MGRN1: variants seen among roughly 807,000 people sequenced by gnomAD.
The protein encoded by MGRN1 is E3 ubiquitin-protein ligase MGRN1.
MGRN1 carries 29 observed loss-of-function variants against 69.2 expected under a neutral mutation model. That is an observed-to-expected ratio of 0.42 (90% CI 0.31 to 0.57). The LOEUF is 0.57. MGRN1 is among the 20% of genes least tolerant of loss of function. The pLI, the probability that MGRN1 is intolerant of heterozygous loss-of-function variation, is 0.15. For missense variants in MGRN1, 998 were observed against 796.2 expected, an observed-to-expected ratio of 1.25 and a Z score of -3.05; for synonymous variants, 470 against 344.2, an observed-to-expected ratio of 1.37 and a Z score of -4.04.
At chr16:4,663,878 G>C (rs187971667) in intron 5 of MGRN1, among the ~76,000 whole-genome samples, 5 of 152,368 alleles carry the variant, frequency 3.3e-5, no homozygotes, top group Non-Finnish European at 7.3e-5. Context: ...CACAGCAGGG[G>C]GTGGGATGAA....
chr16:4,669,068 A>G (rs1319600381), intron 8 of MGRN1: 1 of 152,022 alleles, frequency 6.6e-6, no homozygotes, highest in Non-Finnish European at 1.5e-5. Context: ...TTATATATAG[A>G]CACACACACA....
At chr16:4,679,291 TC>T (rs1458807910) in intron 11 of MGRN1, among the ~76,000 whole-genome samples, 1 of 152,178 alleles carries the variant, frequency 6.6e-6, no homozygotes, top group African/African-American at 2.4e-5. Context: ...TGGCTGAGGA[TC>T]CAGTAGGTCC....
At chr16:4,657,492 C>T (rs2078573787) in intron 5 of MGRN1, 129 bp downstream of exon 5, 2 of 884,216 alleles carry the variant, frequency 2.3e-6, no homozygotes, top group South Asian at 1.5e-5. Context: ...GAACGGCCGC[C>T]CCAGTCTGTG....
chr16:4,671,912 T>G (rs1250788941), intron 9 of MGRN1, among the ~76,000 whole-genome samples: 1 of 152,202 alleles, frequency 6.6e-6, no homozygotes, highest in Non-Finnish European at 1.5e-5. Context: ...TAGTTTTTTT[T>G]GTTTTTGTTT....
chr16:4,628,098 G>C (rs1156300682), intron 1 of MGRN1, among the ~76,000 whole-genome samples: 1 of 124,842 alleles, frequency 8.0e-6, no homozygotes, highest in Non-Finnish European at 1.7e-5. Context: ...AAAAAAAAAA[G>C]AATTGTGGGT....
chr16:4,661,143 A>T (rs1567206147), intron 5 of MGRN1, among the ~76,000 whole-genome samples: 4 of 145,008 alleles, frequency 2.8e-5, no homozygotes, highest in African/African-American at 1.0e-4. Flanking sequence ...CTACTGGCTG[A>T]TTTTTTTTTT....
At position 4,688,982 on chromosome 16, in the gene MGRN1, G is replaced by C; in HGVS notation, c.*74G>C. Reference sequence around the variant, plus strand: ...CCGAGGGGCTGCTCCGGACCCCGTTGTGAGCCGGCCTCCTGTCTGCATGCC... The same window carrying C: ...CCGAGGGGCTGCTCCGGACCCCGTTCTGAGCCGGCCTCCTGTCTGCATGCC... On this transcript the variant is annotated 3_prime_UTR_variant, in exon 17 of 17. Coordinates refer to ENST00000262370, the MANE Select transcript of MGRN1 (RefSeq NM_015246.4). The C allele has an allele frequency of 6.8e-7, 1 of 1,462,766 alleles. No individual in the cohort carries two copies. Among genetic ancestry groups the C allele is most frequent in the Non-Finnish European group, 9.1e-7 (1 of 1,101,776 alleles). 90.6% of individuals were successfully genotyped at this position (1,462,766 alleles called of 1,614,324 possible).
At chr16:4,656,673 G>T (rs1481289497) in intron 4 of MGRN1, among the ~76,000 whole-genome samples, 1 of 152,154 alleles carries the variant, frequency 6.6e-6, no homozygotes, top group Non-Finnish European at 1.5e-5. Flanking sequence ...TTGAGGTCAG[G>T]AGTTCGAGAC....
At chr16:4,675,014 C>G (rs902807889) in intron 10 of MGRN1, among the ~76,000 whole-genome samples, 2 of 152,088 alleles carry the variant, frequency 1.3e-5, no homozygotes, top group South Asian at 2.1e-4. Flanking sequence ...ACTCTGTTGC[C>G]TAGGCTGGAG....
At chr16:4,672,608 C>G (rs2078964533) in intron 9 of MGRN1, 1 of 373,206 alleles carries the variant, frequency 2.7e-6, no homozygotes, top group African/African-American at 2.1e-5. Flanking sequence ...CATATGGTCT[C>G]TGTTGCACTG....
chr16:4,628,732 A>G (rs1004360171), intron 1 of MGRN1, among the ~76,000 whole-genome samples: 1 of 152,144 alleles, frequency 6.6e-6, no homozygotes, highest in African/African-American at 2.4e-5. Flanking sequence ...TTTGGTACAG[A>G]TGAGGTTTCA....
chr16:4,686,328 C>G (rs955765795), intron 16 of MGRN1: 1 of 1,541,858 alleles, frequency 6.5e-7, no homozygotes, highest in East Asian at 2.4e-5. Context: ...AGACGCGCTT[C>G]GGGGGCTCTG....
rs573684415 is a variant in MGRN1, at chr16:4,686,070, C to G, written c.1618+2138C>G. Among the ~76,000 whole-genome samples the G allele has an allele frequency of 1.6e-3, 241 of 151,854 alleles. 3 individuals are homozygous for G. The highest frequency in any genetic ancestry group is 5.4e-3 in the African/African-American group (225 of 41,494). On this transcript the variant is annotated intron_variant, in intron 16 of 16. Transcript: ENST00000262370. ...GAGGGGCAGGGCCAGTGCGCTCCTC[C>G]GCGTTGAATTCTGGCTGCGCTCTGC... is the stretch of plus-strand genomic sequence containing the variant.
intron 13 of MGRN1, among the ~76,000 whole-genome samples, chr16:4,682,430 A>C (rs1344478011): frequency 6.6e-6 from 1 of 152,204 alleles, no homozygotes. Context: ...AGTGTCAGGA[A>C]GGCGCGGGTT....
At chr16:4,673,384 G>A in intron 9 of MGRN1, 114 bp from the exon 10 acceptor site, 1 of 1,398,328 alleles carries the variant, frequency 7.2e-7, no homozygotes, top group East Asian at 2.3e-5. Flanking sequence ...ACTTCTCTTT[G>A]TCATGACAGC....
chr16:4,629,645 AG>A (rs746350528), intron 1 of MGRN1, among the ~76,000 whole-genome samples: 3 of 151,960 alleles, frequency 2.0e-5, no homozygotes, highest in Non-Finnish European at 2.9e-5. Flanking sequence ...AGGCTGAGGC[AG>A]GAGAATTGTT....
chr16:4,679,095 C>T (rs1441010491), intron 11 of MGRN1, among the ~76,000 whole-genome samples: 2 of 152,230 alleles, frequency 1.3e-5, no homozygotes, highest in Non-Finnish European at 2.9e-5. Flanking sequence ...CCTGGCACCA[C>T]GCTCTCCAGC....
At chr16:4,656,439 C>T (rs575896090) in intron 4 of MGRN1, among the ~76,000 whole-genome samples, 3 of 152,338 alleles carry the variant, frequency 2.0e-5, no homozygotes, top group East Asian at 1.9e-4. Context: ...GAGAGACCCG[C>T]GCTGCATGTG....
At chr16:4,646,377 C>G (rs533234835) in intron 1 of MGRN1, among the ~76,000 whole-genome samples, 1 of 151,924 alleles carries the variant, frequency 6.6e-6, no homozygotes, top group African/African-American at 2.4e-5. Context: ...CTGCAGTGAT[C>G]GTGCCCCTGC....
Sources: allele counts gnomAD v4.1 joint callset (sites outside exome capture counted in the v4.1 genomes callset), GRCh38; gene constraint gnomAD v4.1.1; transcripts MANE v1.5; gene names NCBI Gene and HGNC (gene_info 2026-07-23, HGNC 2026-07-21).